RUNX3: variants seen among roughly 807,000 people sequenced by gnomAD.
The protein encoded by RUNX3 is RUNX family transcription factor 3, also known as runt-related transcription factor 3.
In RUNX3, 10 loss-of-function variants were observed where a neutral mutation model predicts 27.7. The observed-to-expected ratio is 0.36, with a 90% CI of 0.22 to 0.61. The LOEUF is 0.61. RUNX3 is among the 20% of genes least tolerant of loss of function. RUNX3 has a pLI of 0.72. For synonymous variants in RUNX3, 270 were observed against 269.2 expected, an observed-to-expected ratio of 1.00 and a Z score of -0.03; for missense variants, 469 against 629.5, an observed-to-expected ratio of 0.75 and a Z score of 2.73.
intron 2 of RUNX3, among the ~76,000 whole-genome samples, chr1:24,954,528 T>A (rs543818776): frequency 6.6e-6 from 1 of 152,306 alleles, no homozygotes; most frequent in South Asian, 2.1e-4. Flanking sequence ...GGTTTCGTGT[T>A]CTGTGGTCGC....
chr1:24,949,337 C>T (rs1162849615), intron 2 of RUNX3, among the ~76,000 whole-genome samples: 1 of 152,156 alleles, frequency 6.6e-6, no homozygotes, highest in Non-Finnish European at 1.5e-5. Context: ...TGCAAATCGT[C>T]CAGCGTCCAG....
chr1:24,912,349 C>T (rs2124265790), intron 3 of RUNX3, among the ~76,000 whole-genome samples: 1 of 152,202 alleles, frequency 6.6e-6, no homozygotes, highest in East Asian at 1.9e-4. Context: ...CCACCCACTA[C>T]CACTTCTTCC....
At chr1:24,941,276 C>T (rs1432473292) in intron 2 of RUNX3, among the ~76,000 whole-genome samples, 29 of 152,160 alleles carry the variant, frequency 1.9e-4, no homozygotes, top group Admixed American at 1.9e-3. Context: ...TCAGTGGGCC[C>T]ACTTTACAGG....
rs574257648 is a variant in RUNX3 at position 24,929,695 on chromosome 1, C to G, written c.174G>C (p.Val58=). 6.3e-7 allele frequency: 1 copy of G among 1,576,688 alleles called. No homozygotes were observed. Among genetic ancestry groups the G allele is most frequent in the South Asian group, 1.1e-5 (1 of 87,288 alleles). Reference sequence around the variant, plus strand: ...CGAGCTCGCCTGCGTGGTCCGCCAGCACGTCCACCATCGAGCGCACCTCGG... The same window carrying G: ...CGAGCTCGCCTGCGTGGTCCGCCAGGACGTCCACCATCGAGCGCACCTCGG... ...ARPEVRSMVD[V]LADHAGELVR... The change falls in exon 1 of 5, where the codon GTG becomes GTC. Residue 58 remains valine (V), a synonymous_variant. Transcript: ENST00000308873.
chr1:24,916,739 G>GC lies in RUNX3; in HGVS notation c.544+2500dup, dbSNP rs1571312408. 1.3e-5 allele frequency among the ~76,000 whole-genome samples: 2 copies of GC among 152,086 alleles called. No individual in the cohort carries two copies. The highest frequency in any genetic ancestry group is 2.9e-5 in the Non-Finnish European group (2 of 67,994). ...CTAAGGATGGGGGACCTAGTAGACT[G>GC]CCCCCCGACTCCATCTCTGCTCTGT... On this transcript the variant is annotated intron_variant, in intron 3 of 4. Coordinates refer to ENST00000308873, the MANE Select transcript of RUNX3 (RefSeq NM_004350.3). This position sits in a 1 kb window ranked among gnomAD's most constrained non-coding sequence, Gnocchi z 4.8.
chr1:24,938,172 AT>A (rs1251555471), intron 2 of RUNX3, among the ~76,000 whole-genome samples: 3 of 152,152 alleles, frequency 2.0e-5, no homozygotes, highest in Non-Finnish European at 4.4e-5. Context: ...CAGGGCAGCC[AT>A]TTCCTTGTTC....
rs1047567432 is a variant in RUNX3 at position 24,929,769 on chromosome 1, C to A, written c.100G>T (p.Gly34Cys). Residue 34 changes from glycine to cysteine, a missense_variant, in exon 1 of 5, where the codon GGC (glycine) becomes TGC (cysteine). Gly to Cys is a radical substitution (Grantham distance 159). Coordinates refer to ENST00000308873, the MANE Select transcript of RUNX3 (RefSeq NM_004350.3). ...GGGGKMGENSGALSAQAAVGP... is the reference protein window; with the variant it reads ...GGGGKMGENSCALSAQAAVGP... Reference sequence around the variant, plus strand: ...ACGGCCGCCTGCGCGCTCAGCGCGCCGCTGTTCTCGCCCATCTTGCCGCCG... The same window carrying A: ...ACGGCCGCCTGCGCGCTCAGCGCGCAGCTGTTCTCGCCCATCTTGCCGCCG... 8 of 1,459,940 alleles carry A rather than the reference C, an allele frequency of 5.5e-6. No individual in the cohort carries two copies. Among genetic ancestry groups the A allele is most frequent in the African/African-American group, 1.5e-5 (1 of 67,186 alleles). 90.4% of individuals were successfully genotyped at this position (1,459,940 alleles called of 1,614,324 possible).
In RUNX3 at chr1:24,943,342, G is replaced by A. The variant is rs1641525740; in HGVS notation, c.59-13490C>T. Among the ~76,000 whole-genome samples, 1 of 152,208 alleles carries A rather than the reference G, an allele frequency of 6.6e-6. No homozygotes were observed. Among genetic ancestry groups the A allele is most frequent in the African/African-American group, 2.4e-5 (1 of 41,454 alleles). Reference sequence around the variant, plus strand: ...CTCCTGGAGACAGGGTCATGGACTTGAGGCTCTGAGACCCTGAGGATGTTA... The same window carrying A: ...CTCCTGGAGACAGGGTCATGGACTTAAGGCTCTGAGACCCTGAGGATGTTA... On this transcript the variant is annotated intron_variant, in intron 2 of 6. Transcript: ENST00000338888. The surrounding 1 kb of genome is among the most constrained non-coding windows in gnomAD (Gnocchi z 4.6).
chr1:24,948,011 C>T (rs1341810401), intron 2 of RUNX3, among the ~76,000 whole-genome samples: 1 of 152,244 alleles, frequency 6.6e-6, no homozygotes, highest in Non-Finnish European at 1.5e-5. Context: ...TGGGACCCTC[C>T]AGACATCACT....
chr1:24,926,819 T>C (rs1223462705), intron 2 of RUNX3, among the ~76,000 whole-genome samples: 1 of 152,168 alleles, frequency 6.6e-6, no homozygotes, highest in Non-Finnish European at 1.5e-5. Context: ...AAAGGGCCAG[T>C]GGACCCTCAG....
intron 2 of RUNX3, among the ~76,000 whole-genome samples, chr1:24,960,933 C>A (rs1005626781): frequency 6.6e-6 from 1 of 152,122 alleles, no homozygotes; most frequent in Non-Finnish European, 1.5e-5. Context: ...TGGGGGTAGA[C>A]CCCAGGGGGC....
chr1:24,912,358 CCTG>C (rs1332696027), intron 3 of RUNX3, among the ~76,000 whole-genome samples: 1 of 152,210 alleles, frequency 6.6e-6, no homozygotes, highest in Non-Finnish European at 1.5e-5. Flanking sequence ...ACCACTTCTT[CCTG>C]CTGCTGCTGT....
rs1325761967 is a variant in RUNX3 at position 24,901,374 on chromosome 1, T to C, written c.*748A>G. On this transcript the variant is annotated 3_prime_UTR_variant, in exon 5 of 5. Coordinates refer to ENST00000308873, the MANE Select transcript of RUNX3 (RefSeq NM_004350.3). ...GGATGCGTTGAGCTGGTAAAGTGCA[T>C]GGAGGAGCCGGTCTGTAGGTGCTTT... The C allele has an allele frequency of 6.6e-6, 1 of 152,584 alleles. No homozygotes were observed. The highest frequency in any genetic ancestry group is 1.5e-5 in the Non-Finnish European group (1 of 68,070). The allele number at this position is 152,584 out of a possible 1,614,324, so 9.5% of individuals were successfully genotyped here. A position where few individuals can be genotyped will look rare whatever the true frequency, so the allele number is the denominator to read the frequency against.
upstream of RUNX3, among the ~76,000 whole-genome samples, chr1:24,933,777 C>T (rs775649932): frequency 4.6e-5 from 7 of 152,196 alleles, no homozygotes; most frequent in Non-Finnish European, 1.0e-4. Flanking sequence ...TGGGCCTCAG[C>T]GGACACTGCC....
intron 2 of RUNX3, among the ~76,000 whole-genome samples, chr1:24,956,840 C>T (rs1224124555): frequency 6.6e-6 from 1 of 152,234 alleles, no homozygotes; most frequent in Non-Finnish European, 1.5e-5. Context: ...TCCGCCTTTC[C>T]CTTTGCGTTC....
At chr1:24,910,255 C>T (rs1475300111) in intron 3 of RUNX3, among the ~76,000 whole-genome samples, 3 of 144,952 alleles carry the variant, frequency 2.1e-5, no homozygotes, top group Non-Finnish European at 4.5e-5. Flanking sequence ...CACCACTGCA[C>T]TCCAGCCTAG....
intron 2 of RUNX3, among the ~76,000 whole-genome samples, chr1:24,924,678 T>C (rs1402111956): frequency 1.3e-5 from 2 of 152,230 alleles, no homozygotes; most frequent in South Asian, 2.1e-4. Flanking sequence ...TTCAAATCAG[T>C]GTTTTATTAT....
intron 1 of RUNX3, 169 bp downstream of exon 1, chr1:24,929,418 C>T (rs1197346711): frequency 1.3e-5 from 10 of 741,782 alleles, no homozygotes; most frequent in Non-Finnish European, 2.1e-5. Flanking sequence ...CAAAACGGAA[C>T]GCCGAGGTCC....
At chr1:24,915,010 C>A (rs916039866) in intron 3 of RUNX3, among the ~76,000 whole-genome samples, 3 of 152,232 alleles carry the variant, frequency 2.0e-5, no homozygotes, top group Non-Finnish European at 2.9e-5. Flanking sequence ...ATTAATGAAT[C>A]ATTTGCTTAT....
Sources: allele counts gnomAD v4.1 joint callset (sites outside exome capture counted in the v4.1 genomes callset), GRCh38; gene constraint gnomAD v4.1.1; non-coding constraint Gnocchi (gnomAD v3.1); transcripts MANE v1.5; gene names NCBI Gene and HGNC (gene_info 2026-07-23, HGNC 2026-07-21).